Variants in ARHGAP8 observed in about 807,000 individuals in gnomAD.
ARHGAP8 encodes Rho GTPase activating protein 8.
In ARHGAP8, 62 loss-of-function variants were observed where a neutral mutation model predicts 46.1. The ratio of observed to expected loss-of-function variants is 1.34; its 90% CI spans 1.10 to 1.66. The LOEUF is 1.66. Ranked by LOEUF, ARHGAP8 falls within the 40% of genes most tolerant of loss-of-function variation. The pLI, the probability that ARHGAP8 is intolerant of heterozygous loss-of-function variation, is 0.00. For synonymous variants in ARHGAP8, 375 were observed against 243.1 expected, an observed-to-expected ratio of 1.54 and a Z score of -5.05; for missense variants, 923 against 568.4, an observed-to-expected ratio of 1.62 and a Z score of -6.34.
At chr22:44,807,038 C>T (rs576251359) in intron 3 of ARHGAP8, among the ~76,000 whole-genome samples, 1 of 152,238 alleles carries the variant, frequency 6.6e-6, no homozygotes, top group East Asian at 1.9e-4. Context: ...AGTGCGGGAC[C>T]AGCCGAGCCT....
At chr22:44,859,480 C>G (rs1400157049) in intron 10 of ARHGAP8, among the ~76,000 whole-genome samples, 1 of 152,154 alleles carries the variant, frequency 6.6e-6, no homozygotes, top group Non-Finnish European at 1.5e-5. Context: ...CATGCTTGTA[C>G]AGCCTGTAGA....
chr22:44,812,976 C>T (rs959176057), intron 4 of ARHGAP8, among the ~76,000 whole-genome samples: 2 of 152,074 alleles, frequency 1.3e-5, no homozygotes, highest in African/African-American at 2.4e-5. Flanking sequence ...TTTAAGGACT[C>T]CCAGGTCCTT....
At chr22:44,785,915 C>T (rs739175) in intron 1 of ARHGAP8, 15,258 of 153,982 alleles carry the variant, frequency 0.099, 944 homozygotes, top group East Asian at 0.26. Flanking sequence ...TTCATGGAGG[C>T]CTGGCTCAGA....
chr22:44,766,463 CGT>C (rs1008428197), intron 1 of ARHGAP8, among the ~76,000 whole-genome samples: 15 of 150,756 alleles, frequency 9.9e-5, no homozygotes, highest in Admixed American at 2.0e-4. Flanking sequence ...TCTCTGTGTA[CGT>C]GTCTCTGTGC....
At chr22:44,776,623 TA>T (rs1926442262) in intron 1 of ARHGAP8, among the ~76,000 whole-genome samples, 1 of 152,090 alleles carries the variant, frequency 6.6e-6, no homozygotes, top group African/African-American at 2.4e-5. Flanking sequence ...GATTTTTCAT[TA>T]ATGTAAATGG....
At chr22:44,847,536 A>G (rs751731655) in intron 8 of ARHGAP8, among the ~76,000 whole-genome samples, 6 of 152,172 alleles carry the variant, frequency 3.9e-5, no homozygotes, top group Non-Finnish European at 7.3e-5. Context: ...GCTGTGCTGG[A>G]CAGCTCAGCC....
At chr22:44,769,310 T>G (rs1925830338) in intron 1 of ARHGAP8, among the ~76,000 whole-genome samples, 1 of 152,234 alleles carries the variant, frequency 6.6e-6, no homozygotes, top group African/African-American at 2.4e-5. Context: ...TTCTGTTCCA[T>G]TCCACTGACC....
intron 10 of ARHGAP8, among the ~76,000 whole-genome samples, chr22:44,852,234 G>GTT (rs2070115035): frequency 6.7e-6 from 1 of 149,412 alleles, no homozygotes; most frequent in Non-Finnish European, 1.5e-5. Flanking sequence ...GAGGAAGGAA[G>GTT]GTGAAGGAAG....
Position 44,796,994 on chromosome 22 carries a change from G to A in ARHGAP8, c.80-5083G>A, listed in dbSNP as rs533692415. 3.3e-5 allele frequency among the ~76,000 whole-genome samples: 5 copies of A among 152,116 alleles called. No individual in the cohort carries two copies. In the South Asian group the frequency reaches 6.2e-4, roughly 19 times the overall value. On this transcript the variant is annotated intron_variant, in intron 2 of 11. Transcript: ENST00000356099. ...TGGGTGTGGCTGCCAGGGCTCCCAC[G>A]GTTCTTGTGGGGCTGGGCATAGACC... is the stretch of plus-strand genomic sequence containing the variant.
Position 44,808,408 on chromosome 22 carries a change from T to G in ARHGAP8, c.269T>G (p.Leu90Arg). The G allele has an allele frequency of 1.2e-6, 2 of 1,614,214 alleles. No homozygotes were observed. Among genetic ancestry groups the G allele is most frequent in the Non-Finnish European group, 1.7e-6 (2 of 1,180,042 alleles). ...NSRNKPSLGW[L>R]QSAYKEFDRK... ...CGGAACAAGCCTTCCCTGGGCTGGC[T>G]CCAGAGCGCATACAAGGAGTTCGAT... is the stretch of plus-strand genomic sequence containing the variant. Residue 90 changes from leucine to arginine, a missense_variant, in exon 4 of 12, where the codon CTC becomes CGC. By Grantham distance (102) the Leu-to-Arg change is moderately radical. Transcript: ENST00000356099.
intron 10 of ARHGAP8, among the ~76,000 whole-genome samples, chr22:44,853,991 C>T (rs964490614): frequency 8.0e-6 from 1 of 125,604 alleles, no homozygotes; most frequent in Non-Finnish European, 1.6e-5. Context: ...CTCACCATTG[C>T]ACTCCAGCCT....
chr22:44,757,540 G>A (rs1223082230), intron 1 of ARHGAP8, among the ~76,000 whole-genome samples: 1 of 152,162 alleles, frequency 6.6e-6, no homozygotes, highest in Admixed American at 6.5e-5. Context: ...GCGTCCCAAA[G>A]TGCTGGGATT....
chr22:44,830,275 C>T (rs192728044), intron 7 of ARHGAP8, among the ~76,000 whole-genome samples: 308 of 152,228 alleles, frequency 2.0e-3, no homozygotes, highest in African/African-American at 6.8e-3. Context: ...CCACCCGCCT[C>T]AGCTTCCCAA....
At chr22:44,857,995 G>A (rs945043999) in intron 10 of ARHGAP8, among the ~76,000 whole-genome samples, 52 of 152,152 alleles carry the variant, frequency 3.4e-4, no homozygotes, top group African/African-American at 1.2e-3. Flanking sequence ...ATAATTCGTA[G>A]ATAAGGTTCA....
intron 10 of ARHGAP8, among the ~76,000 whole-genome samples, chr22:44,859,269 C>A (rs1038314217): frequency 6.6e-6 from 1 of 152,166 alleles, no homozygotes; most frequent in East Asian, 1.9e-4. Context: ...GTGATTGGAT[C>A]ATGAGGGCAG....
At chr22:44,780,674 A>T (rs1926780022) in intron 1 of ARHGAP8, among the ~76,000 whole-genome samples, 1 of 152,148 alleles carries the variant, frequency 6.6e-6, no homozygotes, top group East Asian at 1.9e-4. Context: ...AATAAAATAA[A>T]ATAGGTATTC....
chr22:44,758,243 G>A (rs1924845112), intron 1 of ARHGAP8, among the ~76,000 whole-genome samples: 1 of 152,180 alleles, frequency 6.6e-6, no homozygotes, highest in African/African-American at 2.4e-5. Flanking sequence ...AAGGTCAGGA[G>A]ATTGAGACCA....
At chr22:44,862,253 A>C (rs2070529106) in intron 11 of ARHGAP8, 22 bp from the exon 12 acceptor site, 1 of 1,561,672 alleles carries the variant, frequency 6.4e-7, no homozygotes, top group African/African-American at 1.5e-5. Flanking sequence ...ACTCCCCTTT[A>C]CTTGTGTGTG....
chr22:44,834,666 C>T (rs541529334), intron 7 of ARHGAP8, among the ~76,000 whole-genome samples: 1 of 152,216 alleles, frequency 6.6e-6, no homozygotes, highest in South Asian at 2.1e-4. Flanking sequence ...CTGTCAATTT[C>T]TGCCTAGTTG....
Sources: gnomAD v4.1 joint callset for allele counts (sites outside exome capture counted in the v4.1 genomes callset) on GRCh38, gnomAD v4.1.1 for gene constraint, MANE v1.5 for transcripts, NCBI Gene and HGNC (gene_info 2026-07-23, HGNC 2026-07-21) for gene names.